FNDC3A: variants seen among roughly 807,000 people sequenced by gnomAD.
The protein encoded by FNDC3A is fibronectin type-III domain-containing protein 3A.
In FNDC3A, 32 loss-of-function variants were observed where a neutral mutation model predicts 148.9. That is an observed-to-expected ratio of 0.21 (90% CI 0.16 to 0.29). The LOEUF (loss-of-function observed/expected upper bound fraction) is 0.29, where lower values mean the gene tolerates loss of function less well. Ranked by LOEUF, FNDC3A falls within the 10% of genes least tolerant of loss-of-function variation. The pLI, the probability that FNDC3A is intolerant of heterozygous loss-of-function variation, is 1.00. For missense variants in FNDC3A, 1,191 were observed against 1,452.8 expected (o/e 0.82, Z 2.93); for synonymous variants, 472 against 473.6 (o/e 1.00, Z 0.04).
At chr13:48,990,137 G>A (rs921280722) in intron 1 of FNDC3A, among the ~76,000 whole-genome samples, 1 of 152,084 alleles carries the variant, frequency 6.6e-6, no homozygotes, top group Non-Finnish European at 1.5e-5. Flanking sequence ...ATGTAAGCTA[G>A]AAGACAATGA....
chr13:49,158,594 T>C, intron 8 of FNDC3A, among the ~76,000 whole-genome samples: 1 of 152,232 alleles, frequency 6.6e-6, no homozygotes. Context: ...TGGTAGTTTA[T>C]TTTGCTGTGC....
intron 2 of FNDC3A, among the ~76,000 whole-genome samples, chr13:49,040,033 A>G (rs1874805813): frequency 1.3e-5 from 2 of 152,122 alleles, no homozygotes; most frequent in South Asian, 4.1e-4. Context: ...TTAATGTGAC[A>G]GTTTTGTGTA....
chr13:49,016,475 A>G (rs1204161084), intron 2 of FNDC3A, among the ~76,000 whole-genome samples: 2 of 151,912 alleles, frequency 1.3e-5, no homozygotes, highest in African/African-American at 4.8e-5. Context: ...TATTGTATCT[A>G]TTTGATTCTT....
chr13:49,177,391 A>G (rs1303160554), intron 13 of FNDC3A, among the ~76,000 whole-genome samples: 1 of 152,198 alleles, frequency 6.6e-6, no homozygotes, highest in Non-Finnish European at 1.5e-5. Context: ...CTAGTTACAC[A>G]TCACTGACAT....
At chr13:49,016,935 G>A (rs1311980567) in intron 2 of FNDC3A, among the ~76,000 whole-genome samples, 1 of 151,172 alleles carries the variant, frequency 6.6e-6, no homozygotes, top group Non-Finnish European at 1.5e-5. Flanking sequence ...TTAATCCTGA[G>A]TTCTAGTTTG....
At chr13:49,175,317 C>T (rs752924808) in intron 12 of FNDC3A, 50 bp from the exon 13 acceptor site, 10 of 1,333,264 alleles carry the variant, frequency 7.5e-6, no homozygotes, top group Non-Finnish European at 1.0e-5. Context: ...CTTGTTCTTT[C>T]ACTGTAAAAA....
intron 1 of FNDC3A, among the ~76,000 whole-genome samples, chr13:49,005,357 C>T (rs1364371226): frequency 6.6e-6 from 1 of 151,856 alleles, no homozygotes; most frequent in Non-Finnish European, 1.5e-5. Flanking sequence ...TGATTATACT[C>T]AATTTGCTTA....
chr13:49,012,360 G>GCCT (rs564764919), intron 2 of FNDC3A, among the ~76,000 whole-genome samples: 3 of 152,076 alleles, frequency 2.0e-5, no homozygotes, highest in African/African-American at 7.2e-5. Flanking sequence ...TGATCTGCCC[G>GCCT]CCTCCACCTC....
At chr13:49,031,881 A>G (rs1305059869) in intron 2 of FNDC3A, among the ~76,000 whole-genome samples, 1 of 152,184 alleles carries the variant, frequency 6.6e-6, no homozygotes, top group African/African-American at 2.4e-5. Context: ...AAAATTGGAG[A>G]AAATATCTGC....
rs533976724 is a variant in FNDC3A at position 49,001,983 on chromosome 13, C to T, written c.-39-4169C>T. On this transcript the variant is annotated intron_variant, in intron 1 of 25. Transcript: ENST00000492622. ...ACTAACAAAAACTTGGCTGGTTTTGCGGCTTGGGGGCATCACAGAACCTGC... is the reference window on the plus strand; with the variant it reads ...ACTAACAAAAACTTGGCTGGTTTTGTGGCTTGGGGGCATCACAGAACCTGC... Among the ~76,000 whole-genome samples, 354 of 152,234 alleles carry T rather than the reference C, an allele frequency of 2.3e-3. 1 individual carries two copies. The highest frequency in any genetic ancestry group is 0.018 in the South Asian group (86 of 4,824).
chr13:49,080,189 G>A (rs1441959399), intron 3 of FNDC3A, among the ~76,000 whole-genome samples: 1 of 151,996 alleles, frequency 6.6e-6, no homozygotes, highest in Admixed American at 6.5e-5. Flanking sequence ...ATTTTCTATT[G>A]TCCCATACCA....
chr13:49,121,711 T>C, intron 4 of FNDC3A, among the ~76,000 whole-genome samples: 1 of 152,168 alleles, frequency 6.6e-6, no homozygotes, highest in East Asian at 1.9e-4. Context: ...CAGGGAATAC[T>C]ATAAACACCT....
At chr13:48,992,801 C>T (rs1174347543) in intron 1 of FNDC3A, among the ~76,000 whole-genome samples, 1 of 152,058 alleles carries the variant, frequency 6.6e-6, no homozygotes, top group Admixed American at 6.5e-5. Flanking sequence ...TTTGCCATTG[C>T]TTTCAATTAA....
At chr13:49,040,758 G>A (rs1874861148) in intron 2 of FNDC3A, among the ~76,000 whole-genome samples, 1 of 152,136 alleles carries the variant, frequency 6.6e-6, no homozygotes, top group African/African-American at 2.4e-5. Context: ...ATATACCCCT[G>A]TGCAAATAGA....
chr13:49,174,378 G>A (rs1373506914), intron 11 of FNDC3A, 57 bp from the exon 12 acceptor site: 20 of 1,438,168 alleles, frequency 1.4e-5, no homozygotes, highest in East Asian at 1.4e-4. Context: ...GAATTGATGC[G>A]AATTTATCTT....
intron 2 of FNDC3A, among the ~76,000 whole-genome samples, chr13:49,015,694 A>C (rs1952483234): frequency 6.6e-6 from 1 of 152,018 alleles, no homozygotes; most frequent in African/African-American, 2.4e-5. Flanking sequence ...TTTCAAAGGG[A>C]ATGCTTCCAG....
intron 4 of FNDC3A, among the ~76,000 whole-genome samples, chr13:49,125,518 T>A (rs1881638555): frequency 6.6e-6 from 1 of 152,078 alleles, no homozygotes. Context: ...ACCACAGAAG[T>A]AGGTTGCAAA....
intron 2 of FNDC3A, among the ~76,000 whole-genome samples, chr13:49,060,857 C>T (rs748164377): frequency 1.1e-4 from 16 of 151,982 alleles, no homozygotes; most frequent in Admixed American, 1.0e-3. Flanking sequence ...TGTAGAGTGA[C>T]TGCTTAATAG....
intron 1 of FNDC3A, among the ~76,000 whole-genome samples, chr13:48,979,007 T>TA (rs1250144684): frequency 1.3e-5 from 2 of 152,154 alleles, no homozygotes; most frequent in African/African-American, 4.8e-5. Context: ...TTCCCACTGT[T>TA]GTGGTTTTGC....
Sources: gnomAD v4.1 joint callset for allele counts (sites outside exome capture counted in the v4.1 genomes callset) on GRCh38, gnomAD v4.1.1 for gene constraint, MANE v1.5 for transcripts, NCBI Gene and HGNC (gene_info 2026-07-23, HGNC 2026-07-21) for gene names.